Variants in CSMD1 observed in about 807,000 individuals in gnomAD.
CSMD1 encodes the protein CUB and sushi domain-containing protein 1.
CSMD1 carries 213 observed loss-of-function variants against 417.5 expected under a neutral mutation model. The observed-to-expected ratio is 0.51, with a 90% CI of 0.46 to 0.57. CSMD1 has a LOEUF of 0.57. Ranked by LOEUF, CSMD1 falls within the 20% of genes least tolerant of loss-of-function variation. The pLI, the probability that CSMD1 is intolerant of heterozygous loss-of-function variation, is 0.00. For synonymous variants in CSMD1, 2,862 were observed against 1,736.8 expected (o/e 1.65, Z -16.11); for missense variants, 6,923 against 4,529.7 (o/e 1.53, Z -15.17).
chr8:4,333,873 T>C (rs1333108429), intron 3 of CSMD1, among the ~76,000 whole-genome samples: 3 of 152,122 alleles, frequency 2.0e-5, no homozygotes, highest in African/African-American at 2.4e-5. Context: ...GGGATTCTAA[T>C]ACAATTTTTC....
At chr8:4,661,087 T>G (rs1297429148) in intron 1 of CSMD1, among the ~76,000 whole-genome samples, 1 of 152,178 alleles carries the variant, frequency 6.6e-6, no homozygotes, top group Non-Finnish European at 1.5e-5. Context: ...AACCTGCAAC[T>G]ATCATACAAC....
chr8:4,681,286 C>A (rs763107156), intron 1 of CSMD1, among the ~76,000 whole-genome samples: 1 of 152,092 alleles, frequency 6.6e-6, no homozygotes, highest in Non-Finnish European at 1.5e-5. Flanking sequence ...TTAACTTCTA[C>A]TTTGTATCGT....
At chr8:4,482,109 A>T (rs955193550) in intron 2 of CSMD1, among the ~76,000 whole-genome samples, 1 of 152,182 alleles carries the variant, frequency 6.6e-6, no homozygotes, top group Non-Finnish European at 1.5e-5. Flanking sequence ...TCTTTTAAAA[A>T]ACTTTTAAGT....
At chr8:3,157,832 A>T (rs1402114265) in intron 39 of CSMD1, 65 bp downstream of exon 39, 1 of 1,300,658 alleles carries the variant, frequency 7.7e-7, no homozygotes, top group Non-Finnish European at 1.1e-6. Flanking sequence ...TGACCCCAAG[A>T]GTAGAGCAGG....
chr8:3,984,143 A>G (rs991147352), intron 5 of CSMD1, among the ~76,000 whole-genome samples: 5 of 152,122 alleles, frequency 3.3e-5, no homozygotes, highest in African/African-American at 9.7e-5. Flanking sequence ...GGGGCTGTCA[A>G]TTGCAGCTCT....
chr8:4,181,189 A>C lies in CSMD1; in HGVS notation c.416-149090T>G, dbSNP rs549061039. 6.6e-5 allele frequency among the ~76,000 whole-genome samples: 10 copies of C among 152,280 alleles called. No homozygotes were observed. The South Asian group carries it at 1.0e-3, about 16-fold the overall frequency. ...AAGTAAATGAGAAAGCATTGAATAA[A>C]TAGACATCCCATATAGCACCGATGA... On this transcript the variant is annotated intron_variant, in intron 3 of 69. Coordinates refer to ENST00000635120, the MANE Select transcript of CSMD1 (RefSeq NM_033225.6).
intron 4 of CSMD1, among the ~76,000 whole-genome samples, chr8:4,020,710 G>A (rs1198886038): frequency 6.6e-6 from 1 of 152,224 alleles, no homozygotes; most frequent in African/African-American, 2.4e-5. Flanking sequence ...GAATCCGCGT[G>A]TTCCTCAAAG....
intron 3 of CSMD1, among the ~76,000 whole-genome samples, chr8:4,055,404 A>G (rs557576260): frequency 6.6e-6 from 1 of 152,200 alleles, no homozygotes; most frequent in African/African-American, 2.4e-5. Context: ...TCCAATACAT[A>G]TTTTAAACTC....
intron 1 of CSMD1, among the ~76,000 whole-genome samples, chr8:4,812,747 C>A (rs754625283): frequency 6.6e-6 from 1 of 152,148 alleles, no homozygotes; most frequent in Non-Finnish European, 1.5e-5. Flanking sequence ...CACAAAGCAT[C>A]TGGAAAAGAC....
chr8:3,862,290 C>T (rs889031629), intron 5 of CSMD1, among the ~76,000 whole-genome samples: 16 of 152,184 alleles, frequency 1.1e-4, no homozygotes, highest in East Asian at 1.9e-4. Context: ...CCTCTTAGAA[C>T]GAATTTACAT....
intron 2 of CSMD1, among the ~76,000 whole-genome samples, chr8:4,447,633 C>T (rs1050777585): frequency 2.0e-5 from 3 of 152,150 alleles, no homozygotes; most frequent in African/African-American, 7.2e-5. Flanking sequence ...TGTTCAAAGT[C>T]GACAGGTTTA....
At chr8:3,636,972 T>G (rs571467333) in intron 7 of CSMD1, among the ~76,000 whole-genome samples, 40 of 152,106 alleles carry the variant, frequency 2.6e-4, no homozygotes, top group Non-Finnish European at 5.1e-4. Flanking sequence ...AAATGCGAAT[T>G]TGTCTCTCTC....
chr8:4,905,504 C>T (rs1049058183), intron 1 of CSMD1, among the ~76,000 whole-genome samples: 1 of 151,992 alleles, frequency 6.6e-6, no homozygotes, highest in Non-Finnish European at 1.5e-5. Context: ...CATCTATTCC[C>T]TATCATCACT....
intron 2 of CSMD1, among the ~76,000 whole-genome samples, chr8:4,616,334 T>A (rs1801474709): frequency 6.6e-6 from 1 of 152,196 alleles, no homozygotes; most frequent in Non-Finnish European, 1.5e-5. Flanking sequence ...AGATGCCACC[T>A]ACCTGAGTCC....
chr8:4,191,828 T>C (rs1184912089), intron 3 of CSMD1, among the ~76,000 whole-genome samples: 4 of 150,470 alleles, frequency 2.7e-5, no homozygotes, highest in Non-Finnish European at 3.0e-5. Flanking sequence ...TGATTTACAA[T>C]ATGAGTCAGC....
At chr8:3,634,169 G>T (rs1226624705) in intron 7 of CSMD1, among the ~76,000 whole-genome samples, 1 of 151,426 alleles carries the variant, frequency 6.6e-6, no homozygotes, top group African/African-American at 2.4e-5. Context: ...CCTAGCTTAT[G>T]AGAGTGTCTT....
intron 10 of CSMD1, among the ~76,000 whole-genome samples, chr8:3,523,990 CAG>C (rs961102842): frequency 1.1e-4 from 16 of 150,668 alleles, no homozygotes; most frequent in South Asian, 4.2e-4. Context: ...CATGCACACC[CAG>C]AGACACATAT....
At chr8:3,972,100 G>T (rs1052365911) in intron 5 of CSMD1, among the ~76,000 whole-genome samples, 1 of 152,020 alleles carries the variant, frequency 6.6e-6, no homozygotes, top group African/African-American at 2.4e-5. Flanking sequence ...TGACTTCCTG[G>T]GCTCAAGAGA....
At chr8:4,828,011 T>A (rs1257748282) in intron 1 of CSMD1, among the ~76,000 whole-genome samples, 2 of 152,256 alleles carry the variant, frequency 1.3e-5, no homozygotes, top group African/African-American at 2.4e-5. Context: ...GCAAAATGCA[T>A]GTTATATATT....
Sources: allele counts gnomAD v4.1 joint callset (sites outside exome capture counted in the v4.1 genomes callset), GRCh38; gene constraint gnomAD v4.1.1; transcripts MANE v1.5; gene names NCBI Gene and HGNC (gene_info 2026-07-23, HGNC 2026-07-21).